Variants in EFCAB8 observed in about 807,000 individuals in gnomAD.
The protein encoded by EFCAB8 is EF-hand calcium binding domain 8.
In EFCAB8, 100 loss-of-function variants were observed where a neutral mutation model predicts 116.3. That is an observed-to-expected ratio of 0.86 (90% CI 0.73 to 1.02). The LOEUF (loss-of-function observed/expected upper bound fraction) is 1.02, where lower values mean the gene tolerates loss of function less well. Ranked by LOEUF, EFCAB8 falls within the 50% of genes least tolerant of loss-of-function variation. EFCAB8 has a pLI of 0.00. For missense variants in EFCAB8, 1,320 were observed against 1,416.9 expected (o/e 0.93, Z 1.10); for synonymous variants, 558 against 567.9 (o/e 0.98, Z 0.25).
At chr20:32,952,625 T>C (rs1177960101) in intron 23 of EFCAB8, among the ~76,000 whole-genome samples, 2 of 152,232 alleles carry the variant, frequency 1.3e-5, no homozygotes, top group Non-Finnish European at 2.9e-5. Flanking sequence ...GTTGCTTGTC[T>C]TTGTATTCTT....
chr20:32,891,512 C>T (rs1434981861), intron 7 of EFCAB8, among the ~76,000 whole-genome samples: 9 of 152,230 alleles, frequency 5.9e-5, no homozygotes, highest in African/African-American at 2.2e-4. Context: ...GCCATTGCAG[C>T]CAGCCTAGAA....
At chr20:32,960,009 G>A in intron 25 of EFCAB8, 27 bp downstream of exon 25, 1 of 1,551,528 alleles carries the variant, frequency 6.4e-7, no homozygotes. Flanking sequence ...AGCACAGGGA[G>A]GAGTGCAGGG....
chr20:32,921,579 A>T (rs1401646322), intron 20 of EFCAB8, among the ~76,000 whole-genome samples: 1 of 152,136 alleles, frequency 6.6e-6, no homozygotes, highest in Non-Finnish European at 1.5e-5. Context: ...AGTTTATAAT[A>T]AAAAAGGAAG....
intron 21 of EFCAB8, 109 bp downstream of exon 21, chr20:32,930,725 T>A (rs1336771788): frequency 9.3e-7 from 1 of 1,079,714 alleles, no homozygotes; most frequent in Non-Finnish European, 1.3e-6. Context: ...GGGTACTGGT[T>A]CCATTTGTGA....
At chr20:32,919,791 G>T (rs1009228180) in intron 19 of EFCAB8, among the ~76,000 whole-genome samples, 1 of 152,078 alleles carries the variant, frequency 6.6e-6, no homozygotes, top group East Asian at 1.9e-4. Flanking sequence ...GAACCACCAC[G>T]ACCGACCTTT....
intron 3 of EFCAB8, among the ~76,000 whole-genome samples, chr20:32,868,756 G>A (rs994231318): frequency 3.9e-5 from 6 of 152,206 alleles, no homozygotes; most frequent in Admixed American, 1.3e-4. Context: ...AGGCCAAGGC[G>A]GGCAGATCAC....
At chr20:32,899,130 A>T (rs934583129) in intron 11 of EFCAB8, among the ~76,000 whole-genome samples, 1 of 152,142 alleles carries the variant, frequency 6.6e-6, no homozygotes, top group Admixed American at 6.5e-5. Context: ...TCACGCCAGT[A>T]ATCCCAGCAC....
chr20:32,866,779 T>TCTTCCTTC (rs1018493938), intron 2 of EFCAB8, among the ~76,000 whole-genome samples: 2 of 141,070 alleles, frequency 1.4e-5, no homozygotes, highest in Non-Finnish European at 3.1e-5. Context: ...TTCCTCCCTT[T>TCTTCCTTC]CTTCCTTCCT....
At chr20:32,893,335 G>T in intron 9 of EFCAB8, 37 bp downstream of exon 9, 1 of 1,550,902 alleles carries the variant, frequency 6.4e-7, no homozygotes, top group Non-Finnish European at 8.7e-7. Context: ...AGAGGCCTGG[G>T]CATGGCCTAG....
At chr20:32,953,314 C>T (rs1988854812) in intron 23 of EFCAB8, among the ~76,000 whole-genome samples, 1 of 152,140 alleles carries the variant, frequency 6.6e-6, no homozygotes, top group African/African-American at 2.4e-5. Flanking sequence ...CTTTGAGACC[C>T]TGCTTTCAAT....
chr20:32,916,479 G>A (rs985263587), intron 17 of EFCAB8, among the ~76,000 whole-genome samples: 7 of 151,884 alleles, frequency 4.6e-5, no homozygotes. Context: ...AGCTGGTCTT[G>A]AACTCCTGGC....
chr20:32,940,396 T>G lies in EFCAB8; in HGVS notation c.2791-3240T>G, dbSNP rs141905370. ...CTTTATCTGTATTAGAAGAATGAAG[T>G]TAGACTCCTACCTCATAACACATAC... On this transcript the variant is annotated intron_variant, in intron 22 of 26. Coordinates refer to ENST00000400522, the MANE Select transcript of EFCAB8 (RefSeq NM_001143967.2). Among the ~76,000 whole-genome samples the G allele has an allele frequency of 1.9e-3, 284 of 149,664 alleles. 17 individuals are homozygous for G. The highest frequency in any genetic ancestry group is 6.9e-3 in the African/African-American group (278 of 40,334).
At chr20:32,944,068 A>G (rs1196563974) in intron 23 of EFCAB8, among the ~76,000 whole-genome samples, 1 of 152,234 alleles carries the variant, frequency 6.6e-6, no homozygotes, top group African/African-American at 2.4e-5. Flanking sequence ...CTCTTTTAAA[A>G]AATAAACTTA....
chr20:32,874,263 C>T (rs1600369076), intron 3 of EFCAB8, among the ~76,000 whole-genome samples: 1 of 152,114 alleles, frequency 6.6e-6, no homozygotes, highest in East Asian at 1.9e-4. Flanking sequence ...GTCTCCATCA[C>T]CTAGGCTACA....
chr20:32,859,878 A>G (rs1333812629), intron 1 of EFCAB8, among the ~76,000 whole-genome samples: 1 of 152,258 alleles, frequency 6.6e-6, no homozygotes, highest in African/African-American at 2.4e-5. Flanking sequence ...ATTTCACCAA[A>G]TAACAGCCCT....
At chr20:32,893,343 T>A in intron 9 of EFCAB8, 45 bp downstream of exon 9, 1 of 1,550,298 alleles carries the variant, frequency 6.5e-7, no homozygotes, top group Non-Finnish European at 8.7e-7. Flanking sequence ...GGGCATGGCC[T>A]AGATGTGGGT....
At position 32,930,627 on chromosome 20, in the gene EFCAB8, A is replaced by G. The variant is rs1361086135; in HGVS notation, c.2631+11A>G. The stretch of plus-strand genomic sequence containing the variant: ...AAAGGATACATCAAGGTGAGGAAGA[A>G]CTGGCAGGAAGATTGAGGGGCTGGT... On this transcript the variant is annotated intron_variant, in intron 21 of 26. Transcript: ENST00000400522. 3.2e-6 allele frequency: 5 copies of G among 1,551,658 alleles called. No individual in the cohort carries two copies. The highest frequency in any genetic ancestry group is 4.4e-6 in the Non-Finnish European group (5 of 1,146,772).
chr20:32,945,245 A>G (rs546887799), intron 23 of EFCAB8, among the ~76,000 whole-genome samples: 1 of 152,132 alleles, frequency 6.6e-6, no homozygotes, highest in African/African-American at 2.4e-5. Flanking sequence ...TGAAGCCTTG[A>G]CCTCCCAGCC....
At chr20:32,923,771 C>T (rs1389644717) in intron 20 of EFCAB8, among the ~76,000 whole-genome samples, 1 of 152,122 alleles carries the variant, frequency 6.6e-6, no homozygotes, top group Non-Finnish European at 1.5e-5. Flanking sequence ...ACGGTGTTTA[C>T]GGAGCCATGG....
Sources: gnomAD v4.1 joint callset for allele counts (sites outside exome capture counted in the v4.1 genomes callset) on GRCh38, gnomAD v4.1.1 for gene constraint, MANE v1.5 for transcripts, NCBI Gene and HGNC (gene_info 2026-07-23, HGNC 2026-07-21) for gene names.